The following SYN3 variants were observed in gnomAD, a reference collection of about 807,000 sequenced individuals.
SYN3 encodes synapsin III.
Under a neutral mutation model 65.8 loss-of-function variants are expected in SYN3, and 35 were observed. The ratio of observed to expected loss-of-function variants is 0.53; its 90% CI spans 0.41 to 0.70. SYN3 has a LOEUF of 0.70. Ranked by LOEUF, SYN3 falls within the 30% of genes least tolerant of loss-of-function variation. The pLI is 0.00. For synonymous variants in SYN3, 270 were observed against 292.9 expected (o/e 0.92, Z 0.80); for missense variants, 680 against 749.0 (o/e 0.91, Z 1.08).
intron 2 of SYN3, among the ~76,000 whole-genome samples, chr22:32,991,172 G>T (rs1241849366): frequency 1.3e-5 from 2 of 151,456 alleles, no homozygotes; most frequent in Non-Finnish European, 2.9e-5. Context: ...AACAGAGTGA[G>T]ACTCCGTCTC....
intron 6 of SYN3, among the ~76,000 whole-genome samples, chr22:32,671,573 A>G (rs1458485846): frequency 1.3e-5 from 1 of 77,488 alleles, no homozygotes; most frequent in Non-Finnish European, 3.8e-5. Flanking sequence ...ATGCTCTCAA[A>G]CAAGTGCACA....
intron 6 of SYN3, among the ~76,000 whole-genome samples, chr22:32,804,058 A>G (rs2046660193): frequency 6.6e-6 from 1 of 152,218 alleles, no homozygotes; most frequent in African/African-American, 2.4e-5. Context: ...TTGAAACAAG[A>G]AATAGCTCCC....
At chr22:32,580,196 C>T (rs2058918378) in intron 7 of SYN3, among the ~76,000 whole-genome samples, 1 of 152,250 alleles carries the variant, frequency 6.6e-6, no homozygotes, top group African/African-American at 2.4e-5. Context: ...CGTCAACAAA[C>T]TATGGCCTGA....
intron 6 of SYN3, among the ~76,000 whole-genome samples, chr22:32,598,714 G>A (rs969893478): frequency 2.6e-5 from 4 of 152,004 alleles, no homozygotes; most frequent in African/African-American, 9.7e-5. Context: ...TTGAACTCCT[G>A]ACCTCAGGTG....
chr22:32,954,259 G>A (rs769296893), intron 3 of SYN3, among the ~76,000 whole-genome samples: 4 of 152,182 alleles, frequency 2.6e-5, no homozygotes, highest in Non-Finnish European at 4.4e-5. Flanking sequence ...CAGGAAGGAG[G>A]TTCATCGAAG....
chr22:32,622,360 G>C, intron 6 of SYN3, among the ~76,000 whole-genome samples: 1 of 152,120 alleles, frequency 6.6e-6, no homozygotes, highest in East Asian at 1.9e-4. Context: ...GAACTGGAAG[G>C]AGAGGCAAGG....
At chr22:32,554,691 C>T (rs962591897) in intron 7 of SYN3, among the ~76,000 whole-genome samples, 1 of 152,188 alleles carries the variant, frequency 6.6e-6, no homozygotes, top group Non-Finnish European at 1.5e-5. Flanking sequence ...GGGAAAGACA[C>T]AGCAGTAAGA....
chr22:32,691,711 T>C (rs1322154955), intron 6 of SYN3, among the ~76,000 whole-genome samples: 1 of 151,458 alleles, frequency 6.6e-6, no homozygotes, highest in Non-Finnish European at 1.5e-5. Context: ...TGAGCCGGCT[T>C]AGTTCTGGGG....
At chr22:32,788,531 A>G (rs1436482714) in intron 6 of SYN3, among the ~76,000 whole-genome samples, 1 of 147,828 alleles carries the variant, frequency 6.8e-6, no homozygotes, top group South Asian at 2.1e-4. Context: ...ACAGCGCAAG[A>G]CTCCATCTCA....
chr22:33,026,209 G>T (rs963690924), intron 1 of SYN3, among the ~76,000 whole-genome samples: 4 of 152,202 alleles, frequency 2.6e-5, no homozygotes, highest in African/African-American at 9.6e-5. Flanking sequence ...AGTGAACATT[G>T]GTTCAGATCT....
At chr22:32,640,740 G>T (rs2059884514) in intron 6 of SYN3, among the ~76,000 whole-genome samples, 1 of 152,082 alleles carries the variant, frequency 6.6e-6, no homozygotes, top group African/African-American at 2.4e-5. Context: ...GGTGGCGGGC[G>T]CCTGTAGTCC....
chr22:32,869,976 T>C (rs1353863797), intron 4 of SYN3, among the ~76,000 whole-genome samples: 2 of 152,108 alleles, frequency 1.3e-5, no homozygotes, highest in African/African-American at 2.4e-5. Context: ...TGCTTTTGAC[T>C]CCATCACAGG....
chr22:32,865,326 C>A (rs1569287119), intron 5 of SYN3, among the ~76,000 whole-genome samples: 1 of 152,158 alleles, frequency 6.6e-6, no homozygotes, highest in Non-Finnish European at 1.5e-5. Context: ...GATGTTCATG[C>A]CCTGCTCCTT....
chr22:32,826,702 G>C (rs2146099178), intron 6 of SYN3, among the ~76,000 whole-genome samples: 1 of 152,288 alleles, frequency 6.6e-6, no homozygotes, highest in Admixed American at 6.5e-5. Context: ...TATTTGAGCT[G>C]GAATAAAATG....
At chr22:32,550,735 C>G (rs2058401722) in intron 7 of SYN3, among the ~76,000 whole-genome samples, 1 of 151,794 alleles carries the variant, frequency 6.6e-6, no homozygotes. Flanking sequence ...ATTTAGCACC[C>G]AGATTGTGGT....
At chr22:32,726,288 A>G (rs2061191063) in intron 6 of SYN3, among the ~76,000 whole-genome samples, 1 of 152,152 alleles carries the variant, frequency 6.6e-6, no homozygotes, top group Admixed American at 6.5e-5. Flanking sequence ...GATTATAGGC[A>G]TACGCCACCA....
chr22:32,695,874 C>G (rs2060729997), intron 6 of SYN3, among the ~76,000 whole-genome samples: 1 of 152,040 alleles, frequency 6.6e-6, no homozygotes, highest in Admixed American at 6.6e-5. Flanking sequence ...TTTATTCAGC[C>G]TTTAGGGATC....
intron 4 of SYN3, among the ~76,000 whole-genome samples, chr22:32,929,416 T>A (rs2050567991): frequency 6.6e-6 from 1 of 152,230 alleles, no homozygotes; most frequent in Non-Finnish European, 1.5e-5. Flanking sequence ...AATTCTAATG[T>A]CTTCTGTCTT....
chr22:32,947,841 C>T (rs1237923274), intron 3 of SYN3, among the ~76,000 whole-genome samples: 1 of 152,184 alleles, frequency 6.6e-6, no homozygotes, highest in Non-Finnish European at 1.5e-5. Flanking sequence ...TCCAGGTTAG[C>T]TTGGTTGGTT....
Sources: gnomAD v4.1 joint callset for allele counts (sites outside exome capture counted in the v4.1 genomes callset) on GRCh38, gnomAD v4.1.1 for gene constraint, MANE v1.5 for transcripts, NCBI Gene and HGNC (gene_info 2026-07-23, HGNC 2026-07-21) for gene names.